The following SEMA5A variants were observed in gnomAD, a reference collection of about 807,000 sequenced individuals.
SEMA5A encodes semaphorin-5A.
A neutral mutation model predicts 135.5 loss-of-function variants in SEMA5A; 55 were observed. The observed-to-expected ratio is 0.41, with a 90% CI of 0.33 to 0.51. The LOEUF is 0.51. Ranked by LOEUF, SEMA5A falls within the 20% of genes least tolerant of loss-of-function variation. The pLI, the probability that SEMA5A is intolerant of heterozygous loss-of-function variation, is 0.37. For synonymous variants in SEMA5A, 580 were observed against 546.5 expected (o/e 1.06, Z -0.85); for missense variants, 1,290 against 1,419.9 (o/e 0.91, Z 1.47).
At chr5:9,460,907 A>G (rs1342534982) in intron 1 of SEMA5A, among the ~76,000 whole-genome samples, 1 of 152,188 alleles carries the variant, frequency 6.6e-6, no homozygotes, top group Admixed American at 6.5e-5. Context: ...GTAGTTAAGC[A>G]AGTATCTATT....
At chr5:9,096,967 A>G (rs1323793824) in intron 16 of SEMA5A, among the ~76,000 whole-genome samples, 1 of 152,132 alleles carries the variant, frequency 6.6e-6, no homozygotes, top group Non-Finnish European at 1.5e-5. Flanking sequence ...AGAGAGGAAA[A>G]ACGAGTAACT....
intron 19 of SEMA5A, 108 bp downstream of exon 19, chr5:9,053,979 C>T (rs2150048535): frequency 1.5e-6 from 2 of 1,310,616 alleles, no homozygotes; most frequent in Non-Finnish European, 2.1e-6. Flanking sequence ...CTTGCCCACC[C>T]CCCTTTCAGT....
chr5:9,322,660 C>T (rs1460596592), intron 4 of SEMA5A, among the ~76,000 whole-genome samples: 1 of 151,936 alleles, frequency 6.6e-6, no homozygotes, highest in Admixed American at 6.6e-5. Flanking sequence ...GATGAGAAAA[C>T]TTCTATAAAT....
intron 1 of SEMA5A, among the ~76,000 whole-genome samples, chr5:9,484,953 T>G (rs1397227170): frequency 6.6e-6 from 1 of 152,170 alleles, no homozygotes; most frequent in Non-Finnish European, 1.5e-5. Flanking sequence ...AGATACTGGA[T>G]GTGGACCTGA....
At chr5:9,396,967 T>C (rs1756431204) in intron 2 of SEMA5A, among the ~76,000 whole-genome samples, 1 of 151,992 alleles carries the variant, frequency 6.6e-6, no homozygotes, top group Non-Finnish European at 1.5e-5. Context: ...CAACCTAGTC[T>C]GATTATTATG....
At chr5:9,065,039 T>C (rs974437235) in intron 17 of SEMA5A, among the ~76,000 whole-genome samples, 2 of 152,240 alleles carry the variant, frequency 1.3e-5, no homozygotes, top group East Asian at 3.8e-4. Flanking sequence ...ATTATTTTGT[T>C]ACCCATTTTT....
chr5:9,096,903 C>T (rs1505066), intron 16 of SEMA5A, among the ~76,000 whole-genome samples: 17,136 of 151,932 alleles, frequency 0.11, 1,483 homozygotes, highest in East Asian at 0.3. Flanking sequence ...TGTCACCTTA[C>T]GCCTGTTAGG....
chr5:9,309,504 GGCATGATCCTTT>G (rs775710927), intron 5 of SEMA5A, among the ~76,000 whole-genome samples: 85 of 152,194 alleles, frequency 5.6e-4, no homozygotes, highest in Non-Finnish European at 1.1e-3. Flanking sequence ...TTCCTGGCAT[GGCATGATCCTTT>G]GCATGATCCT....
intron 15 of SEMA5A, among the ~76,000 whole-genome samples, chr5:9,114,812 C>T (rs549031700): frequency 8.5e-5 from 13 of 152,326 alleles, no homozygotes; most frequent in African/African-American, 3.1e-4. Context: ...ATAGCTTTCA[C>T]AGTCCTTTCA....
rs16882756 is a variant in SEMA5A, at chr5:9,434,072, A to G, written c.-78+3684T>C. Among the ~76,000 whole-genome samples the G allele has an allele frequency of 5.0e-3, 756 of 152,314 alleles. 6 individuals carry two copies. The highest frequency in any genetic ancestry group is 0.017 in the African/African-American group (720 of 41,582). On this transcript the variant is annotated intron_variant, in intron 2 of 22. Transcript: ENST00000382496. The stretch of plus-strand genomic sequence containing the variant: ...TATGAAGTCTCCCATCACCCTTTTC[A>G]TGTTCATTTCAGCATGGTCTATGAC...
intron 2 of SEMA5A, among the ~76,000 whole-genome samples, chr5:9,386,412 T>G (rs1755892687): frequency 6.6e-6 from 1 of 152,218 alleles, no homozygotes; most frequent in African/African-American, 2.4e-5. Flanking sequence ...TAGCTGAGAA[T>G]GAGCTCCTTC....
chr5:9,276,338 T>A (rs1249682953), intron 5 of SEMA5A, among the ~76,000 whole-genome samples: 1 of 152,230 alleles, frequency 6.6e-6, no homozygotes, highest in Non-Finnish European at 1.5e-5. Flanking sequence ...AAACATTCCA[T>A]GCTCATGGAT....
intron 5 of SEMA5A, among the ~76,000 whole-genome samples, chr5:9,250,589 T>C (rs1031522123): frequency 6.6e-6 from 1 of 152,194 alleles, no homozygotes; most frequent in Non-Finnish European, 1.5e-5. Flanking sequence ...CATTCTGGAT[T>C]TTTAAAACAA....
chr5:9,140,620 CA>C (rs1742015119), intron 12 of SEMA5A, among the ~76,000 whole-genome samples: 1 of 152,148 alleles, frequency 6.6e-6, no homozygotes, highest in African/African-American at 2.4e-5. Context: ...CTAAACTAGC[CA>C]AAAGTGACAT....
At position 9,093,675 on chromosome 5, in the gene SEMA5A, AGAGT is replaced by A. The variant is rs1739161411; in HGVS notation, c.2073+14461_2073+14464del. On this transcript the variant is annotated intron_variant, in intron 16 of 22. Coordinates refer to ENST00000382496, the MANE Select transcript of SEMA5A (RefSeq NM_003966.3). ...TGAACTGAGATTCAGCCTGGGTGAC[AGAGT>A]GAGACTCTGTCTCAAAAAAAAACAA... 3.3e-5 allele frequency among the ~76,000 whole-genome samples: 5 copies of A among 151,822 alleles called. No homozygotes were observed. The South Asian group carries it at 1.0e-3, about 32-fold the overall frequency.
intron 1 of SEMA5A, among the ~76,000 whole-genome samples, chr5:9,474,430 A>G (rs1759593481): frequency 6.6e-6 from 1 of 152,052 alleles, no homozygotes; most frequent in African/African-American, 2.4e-5. Flanking sequence ...ACCAGGAAAC[A>G]GGAGTCTGGC....
intron 1 of SEMA5A, among the ~76,000 whole-genome samples, chr5:9,531,145 A>C (rs1737410488): frequency 6.6e-6 from 1 of 152,212 alleles, no homozygotes; most frequent in Non-Finnish European, 1.5e-5. Context: ...CCTCGAGCAC[A>C]TCAGATATCA....
intron 12 of SEMA5A, among the ~76,000 whole-genome samples, chr5:9,141,324 G>A (rs4701837): frequency 0.91 from 138,277 of 152,228 alleles, 63,320 homozygotes; most frequent in Non-Finnish European, 0.97. Flanking sequence ...TCCTTGTGTG[G>A]TAAATATTTT....
intron 7 of SEMA5A, among the ~76,000 whole-genome samples, chr5:9,225,247 T>C (rs1286934719): frequency 2.0e-5 from 3 of 151,932 alleles, no homozygotes; most frequent in Non-Finnish European, 4.4e-5. Context: ...AGAAATAGGA[T>C]CACAATAAAG....
Sources: gnomAD v4.1 joint callset for allele counts (sites outside exome capture counted in the v4.1 genomes callset) on GRCh38, gnomAD v4.1.1 for gene constraint, MANE v1.5 for transcripts, NCBI Gene and HGNC (gene_info 2026-07-23, HGNC 2026-07-21) for gene names.